THSD7B: variants seen among roughly 807,000 people sequenced by gnomAD.
The protein encoded by THSD7B is thrombospondin type 1 domain containing 7B, also known as thrombospondin type-1 domain-containing protein 7B.
Under a neutral mutation model 213.6 loss-of-function variants are expected in THSD7B, and 138 were observed. The ratio of observed to expected loss-of-function variants is 0.65; its 90% CI spans 0.56 to 0.74. The LOEUF is 0.74. Among genes scored for constraint, THSD7B ranks in the 30% least tolerant of loss-of-function variants. The pLI, the probability that THSD7B is intolerant of heterozygous loss-of-function variation, is 0.00. For missense variants in THSD7B, 1,931 were observed against 1,991.5 expected (o/e 0.97, Z 0.58); for synonymous variants, 742 against 687.0 (o/e 1.08, Z -1.25).
intron 17 of THSD7B, among the ~76,000 whole-genome samples, chr2:137,586,967 G>A (rs1681746261): frequency 6.6e-6 from 1 of 152,190 alleles, no homozygotes; most frequent in East Asian, 1.9e-4. Context: ...TCACTTTCAG[G>A]TACACCAATC....
intron 14 of THSD7B, among the ~76,000 whole-genome samples, chr2:137,417,061 G>A (rs1686815726): frequency 6.6e-6 from 1 of 152,118 alleles, no homozygotes; most frequent in Admixed American, 6.5e-5. Flanking sequence ...ATGTAATTTA[G>A]CATTTGCAAT....
rs79578460 is a variant in THSD7B at position 137,636,452 on chromosome 2, T to A, written c.3800-6036T>A. On this transcript the variant is annotated intron_variant, in intron 20 of 27. Coordinates refer to ENST00000409968, the MANE Select transcript of THSD7B (RefSeq NM_001316349.2). Reference sequence around the variant, plus strand: ...CATAAAATTATGTAAGAAATATCAATGACCAATTTATTATTTGTCCTAATA... The same window carrying A: ...CATAAAATTATGTAAGAAATATCAAAGACCAATTTATTATTTGTCCTAATA... Among the ~76,000 whole-genome samples the A allele has an allele frequency of 9.8e-3, 1,500 of 152,312 alleles. 32 individuals are homozygous for A. Among genetic ancestry groups the A allele is most frequent in the African/African-American group, 0.034 (1,423 of 41,544 alleles).
At chr2:137,095,955 G>T (rs1317148524) in intron 4 of THSD7B, among the ~76,000 whole-genome samples, 1 of 152,164 alleles carries the variant, frequency 6.6e-6, no homozygotes, top group Non-Finnish European at 1.5e-5. Flanking sequence ...TCCCACCTCA[G>T]CTTCTCAAAG....
intron 7 of THSD7B, among the ~76,000 whole-genome samples, chr2:137,208,642 T>A (rs181926466): frequency 1.3e-5 from 2 of 151,890 alleles, no homozygotes; most frequent in Admixed American, 1.3e-4. Context: ...GAGGTAGGGT[T>A]TTTCAAGGAT....
At chr2:136,810,052 G>T (rs529180007) in intron 1 of THSD7B, among the ~76,000 whole-genome samples, 1 of 152,132 alleles carries the variant, frequency 6.6e-6, no homozygotes. Context: ...TAAAGGTAGG[G>T]GGTATGCTGG....
chr2:137,150,391 G>A (rs1170394205), intron 5 of THSD7B, among the ~76,000 whole-genome samples: 1 of 152,142 alleles, frequency 6.6e-6, no homozygotes, highest in Non-Finnish European at 1.5e-5. Flanking sequence ...TGTTGTGGGA[G>A]GGGCTCAGTG....
chr2:137,217,232 C>A (rs897483034), intron 7 of THSD7B, among the ~76,000 whole-genome samples: 3 of 152,122 alleles, frequency 2.0e-5, no homozygotes, highest in Non-Finnish European at 4.4e-5. Context: ...TTTTCATATG[C>A]CCATTATTTT....
At chr2:137,332,270 G>A (rs1467675428) in intron 12 of THSD7B, among the ~76,000 whole-genome samples, 1 of 152,240 alleles carries the variant, frequency 6.6e-6, no homozygotes, top group Non-Finnish European at 1.5e-5. Flanking sequence ...CTGGATGTGA[G>A]ACATGGAGTC....
intron 2 of THSD7B, among the ~76,000 whole-genome samples, chr2:137,039,373 G>A (rs1686837080): frequency 6.6e-6 from 1 of 152,162 alleles, no homozygotes; most frequent in African/African-American, 2.4e-5. Flanking sequence ...GCTCCCCAAG[G>A]GGCATTTGGC....
At chr2:137,050,027 A>G (rs559428359) in intron 2 of THSD7B, among the ~76,000 whole-genome samples, 10 of 152,040 alleles carry the variant, frequency 6.6e-5, no homozygotes, top group Non-Finnish European at 1.2e-4. Flanking sequence ...TTTTGCTCCA[A>G]ATGATTGTGT....
chr2:136,898,497 G>A (rs1684003549), intron 2 of THSD7B, among the ~76,000 whole-genome samples: 1 of 151,618 alleles, frequency 6.6e-6, no homozygotes, highest in Non-Finnish European at 1.5e-5. Flanking sequence ...CTACTAGGCA[G>A]AGAGTACTGC....
intron 21 of THSD7B, among the ~76,000 whole-genome samples, chr2:137,644,041 G>A (rs1353632454): frequency 6.6e-6 from 1 of 152,202 alleles, no homozygotes; most frequent in Non-Finnish European, 1.5e-5. Context: ...AAGGGCAAGA[G>A]TGATGGGTGG....
intron 2 of THSD7B, among the ~76,000 whole-genome samples, chr2:137,001,406 G>A (rs962336600): frequency 1.3e-5 from 2 of 151,976 alleles, no homozygotes; most frequent in African/African-American, 4.8e-5. Context: ...AACACACCCT[G>A]GTTCTTGATG....
intron 2 of THSD7B, among the ~76,000 whole-genome samples, chr2:136,943,110 A>G (rs945132573): frequency 1.3e-5 from 2 of 152,212 alleles, no homozygotes; most frequent in Non-Finnish European, 2.9e-5. Flanking sequence ...TGAGATAATC[A>G]GGCCTTTTCT....
intron 15 of THSD7B, among the ~76,000 whole-genome samples, chr2:137,492,476 T>C (rs1679433779): frequency 6.6e-6 from 1 of 152,178 alleles, no homozygotes; most frequent in Admixed American, 6.5e-5. Context: ...GTGGTATAAG[T>C]AGGTAATAAC....
At chr2:136,920,308 T>C (rs1020198245) in intron 2 of THSD7B, among the ~76,000 whole-genome samples, 1 of 152,126 alleles carries the variant, frequency 6.6e-6, no homozygotes, top group African/African-American at 2.4e-5. Flanking sequence ...TCCTGATGAG[T>C]GTCCAGCTCT....
At chr2:137,094,507 G>C (rs573361229) in intron 3 of THSD7B, among the ~76,000 whole-genome samples, 14 of 151,286 alleles carry the variant, frequency 9.3e-5, no homozygotes, top group African/African-American at 2.7e-4. Flanking sequence ...CTGGGAGGCA[G>C]AGGTTGCATC....
intron 2 of THSD7B, among the ~76,000 whole-genome samples, chr2:136,901,572 A>C (rs1684064021): frequency 6.6e-6 from 1 of 152,098 alleles, no homozygotes; most frequent in African/African-American, 2.4e-5. Flanking sequence ...CTATTTAAAC[A>C]CTCCTCACTG....
At chr2:137,078,512 T>C (rs76183912) in intron 3 of THSD7B, among the ~76,000 whole-genome samples, 12,360 of 152,204 alleles carry the variant, frequency 0.081, 705 homozygotes, top group African/African-American at 0.16. Context: ...TCAGCTATTA[T>C]TTAAAATAGT....
Sources: gnomAD v4.1 joint callset for allele counts (sites outside exome capture counted in the v4.1 genomes callset) on GRCh38, gnomAD v4.1.1 for gene constraint, MANE v1.5 for transcripts, NCBI Gene and HGNC (gene_info 2026-07-23, HGNC 2026-07-21) for gene names.